The following RUNX1 variants were observed in gnomAD, a reference collection of about 807,000 sequenced individuals.
RUNX1 encodes the protein RUNX family transcription factor 1, also known as runt-related transcription factor 1.
RUNX1 carries 19 observed loss-of-function variants against 42.8 expected under a neutral mutation model. The ratio of observed to expected loss-of-function variants is 0.44; its 90% CI spans 0.31 to 0.65. The LOEUF (loss-of-function observed/expected upper bound fraction) is 0.65, where lower values mean the gene tolerates loss of function less well. RUNX1 is among the 30% of genes least tolerant of loss of function. The pLI is 0.07. For synonymous variants in RUNX1, 271 were observed against 289.4 expected (o/e 0.94, Z 0.64); for missense variants, 528 against 672.0 (o/e 0.79, Z 2.37).
chr21:34,985,483 A>G (rs1243191290), intron 2 of RUNX1, among the ~76,000 whole-genome samples: 1 of 152,246 alleles, frequency 6.6e-6, no homozygotes, highest in African/African-American at 2.4e-5. Context: ...AGAACATTCC[A>G]GAATGTGAGA....
At chr21:34,994,334 C>T (rs576375770) in intron 2 of RUNX1, among the ~76,000 whole-genome samples, 99 of 151,976 alleles carry the variant, frequency 6.5e-4, no homozygotes, top group African/African-American at 2.2e-3. Context: ...TGTGTAAGAC[C>T]TGGTATTTGA....
chr21:35,041,636 T>C (rs544222313), intron 2 of RUNX1, among the ~76,000 whole-genome samples: 1 of 150,020 alleles, frequency 6.7e-6, no homozygotes, highest in South Asian at 2.1e-4. Context: ...TCATTCATCC[T>C]TTCTTTCTTC....
In RUNX1 at chr21:34,930,291, TAAATAA is replaced by T. The variant is rs1485776896; in HGVS notation, c.59-37334_59-37329del. On this transcript the variant is annotated intron_variant, in intron 2 of 8. Transcript: ENST00000675419. ...GTATGTATATATATATATATATATATAAATAAATAAATAAAATTTTACAACTAACAT... is the reference window on the plus strand; with the variant it reads ...GTATGTATATATATATATATATATATATAAATAAAATTTTACAACTAACAT... Among the ~76,000 whole-genome samples the T allele has an allele frequency of 9.1e-3, 1,258 of 138,802 alleles. 31 individuals carry two copies. The highest frequency in any genetic ancestry group is 0.034 in the African/African-American group (1,203 of 35,038). The allele number at this position is 138,802 out of a possible 152,430, so 91.1% of individuals were successfully genotyped here.
intron 2 of RUNX1, chr21:35,038,912 A>G (rs2147000785): frequency 2.9e-6 from 1 of 349,914 alleles, no homozygotes; most frequent in South Asian, 2.1e-5. Flanking sequence ...CCTCATCAAA[A>G]CCAACCTGGT....
intron 5 of RUNX1, 48 bp downstream of exon 5, chr21:34,880,509 T>C (rs2146359210): frequency 6.3e-7 from 1 of 1,595,228 alleles, no homozygotes; most frequent in Non-Finnish European, 8.6e-7. Context: ...AAATGTGGGT[T>C]TGTTGCCATG....
At chr21:34,811,091 T>C (rs1442304448) in intron 7 of RUNX1, among the ~76,000 whole-genome samples, 1 of 152,210 alleles carries the variant, frequency 6.6e-6, no homozygotes, top group Non-Finnish European at 1.5e-5. Flanking sequence ...ACAACACAGA[T>C]TCTGAAAGCT....
At chr21:35,039,796 G>A (rs923240297) in intron 2 of RUNX1, among the ~76,000 whole-genome samples, 7 of 152,178 alleles carry the variant, frequency 4.6e-5, no homozygotes, top group African/African-American at 1.7e-4. Context: ...CTTTCACAGT[G>A]CTAATATTTG....
intron 5 of RUNX1, among the ~76,000 whole-genome samples, chr21:34,878,365 A>G (rs2057847500): frequency 6.7e-6 from 1 of 149,214 alleles, no homozygotes; most frequent in Non-Finnish European, 1.5e-5. Flanking sequence ...AAAAAAATAT[A>G]TATATATATA....
intron 6 of RUNX1, among the ~76,000 whole-genome samples, chr21:34,857,382 G>A (rs543745410): frequency 6.6e-6 from 1 of 152,304 alleles, no homozygotes; most frequent in Non-Finnish European, 1.5e-5. Context: ...ATTCTTAAAA[G>A]TCAGAGTCGC....
At chr21:34,794,103 TTAA>T (rs1241159128) in intron 8 of RUNX1, among the ~76,000 whole-genome samples, 1 of 152,136 alleles carries the variant, frequency 6.6e-6, no homozygotes, top group Non-Finnish European at 1.5e-5. Flanking sequence ...ATCTGTGATA[TTAA>T]TATAGCAGAT....
intron 3 of RUNX1, chr21:34,887,390 T>C: frequency 2.1e-6 from 3 of 1,405,832 alleles, no homozygotes; most frequent in South Asian, 3.2e-5. Context: ...GTGGAGACTA[T>C]CTTCCACGAA....
At chr21:34,994,507 ATC>A (rs980015412) in intron 2 of RUNX1, among the ~76,000 whole-genome samples, 4 of 152,152 alleles carry the variant, frequency 2.6e-5, no homozygotes, top group Non-Finnish European at 5.9e-5. Context: ...ATATCAAAAC[ATC>A]TCATGTACCC....
intron 2 of RUNX1, among the ~76,000 whole-genome samples, chr21:34,896,817 C>T (rs1276768429): frequency 1.3e-5 from 2 of 152,090 alleles, no homozygotes; most frequent in African/African-American, 4.8e-5. Flanking sequence ...CAGAGAGTGC[C>T]ATGTAACCTT....
intron 2 of RUNX1, among the ~76,000 whole-genome samples, chr21:34,972,817 TCCAGTTG>T (rs968166495): frequency 7.9e-5 from 12 of 152,184 alleles, no homozygotes; most frequent in Non-Finnish European, 1.5e-4. Context: ...AATCCCATTG[TCCAGTTG>T]CATGCAACTG....
At chr21:34,888,860 C>T (rs566141734) in intron 3 of RUNX1, among the ~76,000 whole-genome samples, 4 of 151,882 alleles carry the variant, frequency 2.6e-5, no homozygotes, top group Admixed American at 6.5e-5. Context: ...CGCGCGCCCC[C>T]GCCGCCGCGC....
At chr21:34,854,473 T>C (rs2057468331) in intron 6 of RUNX1, among the ~76,000 whole-genome samples, 1 of 150,980 alleles carries the variant, frequency 6.6e-6, no homozygotes, top group Non-Finnish European at 1.5e-5. Context: ...TAATCCCAAC[T>C]ACTCAGGAGG....
chr21:34,953,718 T>C (rs1398668130), intron 2 of RUNX1, among the ~76,000 whole-genome samples: 1 of 152,232 alleles, frequency 6.6e-6, no homozygotes, highest in East Asian at 1.9e-4. Context: ...AAAGATATAT[T>C]TATTAGTCTT....
intron 2 of RUNX1, among the ~76,000 whole-genome samples, chr21:35,048,091 G>A (rs1024551736): frequency 7.9e-5 from 12 of 152,184 alleles, no homozygotes; most frequent in Non-Finnish European, 7.3e-5. Context: ...AACGACTTAA[G>A]CTGCGAGAAT....
chr21:34,936,273 T>C (rs938787641), intron 2 of RUNX1, among the ~76,000 whole-genome samples: 1 of 149,836 alleles, frequency 6.7e-6, no homozygotes, highest in Non-Finnish European at 1.5e-5. Context: ...AGCCCCCCTC[T>C]TTTTTAAAAA....
Sources: gnomAD v4.1 joint callset for allele counts (sites outside exome capture counted in the v4.1 genomes callset) on GRCh38, gnomAD v4.1.1 for gene constraint, MANE v1.5 for transcripts, NCBI Gene and HGNC (gene_info 2026-07-23, HGNC 2026-07-21) for gene names.